COL4A5: variants seen among roughly 807,000 people sequenced by gnomAD.
COL4A5 encodes the protein collagen alpha-5(IV) chain.
In COL4A5, 26 loss-of-function variants were observed where a neutral mutation model predicts 130.2. That is an observed-to-expected ratio of 0.20 (90% CI 0.15 to 0.28). The LOEUF (loss-of-function observed/expected upper bound fraction) is 0.28, where lower values mean the gene tolerates loss of function less well. Among genes scored for constraint, COL4A5 ranks in the 10% least tolerant of loss-of-function variants. COL4A5 has a pLI of 1.00. For missense variants in COL4A5, 1,131 were observed against 1,344.3 expected (o/e 0.84, Z 2.48); for synonymous variants, 496 against 439.6 (o/e 1.13, Z -1.60).
At chrX:108,628,086 T>C (rs1471996340) in intron 36 of COL4A5, among the ~76,000 whole-genome samples, 1 of 110,805 alleles carries the variant, frequency 9.0e-6, no homozygotes, top group Non-Finnish European at 1.9e-5. Flanking sequence ...CAAACTTTCT[T>C]TATCAGCCTA....
rs189661038 is a variant in COL4A5 at position 108,530,252 on chromosome X, T to C, written c.82-9494T>C. Among the ~76,000 whole-genome samples, 634 of 111,487 alleles carry C rather than the reference T, an allele frequency of 5.7e-3. 2 individuals carry two copies. The highest frequency in any genetic ancestry group is 0.027 in the Middle Eastern group (6 of 219). On this transcript the variant is annotated intron_variant, in intron 1 of 52. Coordinates refer to ENST00000328300, the MANE Select transcript of COL4A5 (RefSeq NM_033380.3). The stretch of plus-strand genomic sequence containing the variant: ...CTAGAAATCAATACAAAGAGGAAGA[T>C]TGGAAACTCTGAAAATACATGGAAA...
chrX:108,464,562 G>A (rs2064685103), intron 1 of COL4A5, among the ~76,000 whole-genome samples: 1 of 112,155 alleles, frequency 8.9e-6, no homozygotes, highest in Non-Finnish European at 1.9e-5. Flanking sequence ...TTATTGGGTT[G>A]AATTAAATAT....
intron 13 of COL4A5, among the ~76,000 whole-genome samples, chrX:108,579,638 T>C (rs1162994724): frequency 1.8e-5 from 2 of 112,106 alleles, no homozygotes; most frequent in South Asian, 3.7e-4. Context: ...AAATTAGATA[T>C]ATTTTTAAAG....
intron 27 of COL4A5, 138 bp downstream of exon 27, chrX:108,602,127 A>C (rs2066644724): frequency 4.6e-6 from 2 of 435,678 alleles, no homozygotes; most frequent in Admixed American, 3.6e-5. Flanking sequence ...ATAAAAAATC[A>C]CAGTGTATTT....
intron 4 of COL4A5, 21 bp downstream of exon 4, chrX:108,563,947 A>G: frequency 1.7e-6 from 2 of 1,155,519 alleles, no homozygotes; most frequent in South Asian, 3.7e-5. Context: ...TTTTCTCTAT[A>G]TCAAATACTT....
chrX:108,546,963 G>T (rs1167164673), intron 2 of COL4A5, among the ~76,000 whole-genome samples: 3 of 111,932 alleles, frequency 2.7e-5, no homozygotes, highest in African/African-American at 9.8e-5. Context: ...GCCCCATCAG[G>T]TCCTTTAAGG....
Position 108,504,932 on chromosome X carries a change from G to A in COL4A5, c.82-34814G>A, listed in dbSNP as rs995160499. Among the ~76,000 whole-genome samples the A allele has an allele frequency of 3.6e-5, 4 of 111,945 alleles. No individual in the cohort carries two copies. The Middle Eastern group carries it at 0.014, about 387-fold the overall frequency. On this transcript the variant is annotated intron_variant, in intron 1 of 52. Transcript: ENST00000328300. ...ATAAGTTATTGTATGAAAAAGACAT[G>A]TGCATGCATATGTTTATTGCAGCAC... is the stretch of plus-strand genomic sequence containing the variant.
chrX:108,514,833 G>A (rs901317318), intron 1 of COL4A5, among the ~76,000 whole-genome samples: 1 of 111,670 alleles, frequency 9.0e-6, no homozygotes, highest in Admixed American at 9.5e-5. Flanking sequence ...TAGTAAGGTT[G>A]TTACATTGCA....
intron 36 of COL4A5, chrX:108,627,017 C>T (rs1048722403): frequency 5.1e-5 from 37 of 729,006 alleles, no homozygotes; most frequent in Non-Finnish European, 6.0e-5. Flanking sequence ...GTGAAAGTTC[C>T]CAGTGATATA....
At chrX:108,674,570 T>C in intron 42 of COL4A5, 175 bp from the exon 43 acceptor site, 1 of 472,649 alleles carries the variant, frequency 2.1e-6, no homozygotes, top group Non-Finnish European at 3.5e-6. Context: ...TTCTGTATGG[T>C]TCTGTTTGCA....
intron 37 of COL4A5, among the ~76,000 whole-genome samples, 181 bp from the exon 38 acceptor site, chrX:108,665,326 C>A (rs766023023): frequency 8.9e-6 from 1 of 111,938 alleles, no homozygotes; most frequent in African/African-American, 3.2e-5. Flanking sequence ...ATGCCAACTT[C>A]AGGATAAATG....
chrX:108,681,572 A>C (rs1234863587), intron 46 of COL4A5, among the ~76,000 whole-genome samples, 188 bp from the exon 47 acceptor site: 1 of 112,023 alleles, frequency 8.9e-6, no homozygotes, highest in African/African-American at 3.2e-5. Context: ...TGACCCTAAG[A>C]AACTTATTTT....
chrX:108,647,631 G>A (rs1331255362), intron 36 of COL4A5, among the ~76,000 whole-genome samples: 8 of 111,597 alleles, frequency 7.2e-5, no homozygotes, highest in Non-Finnish European at 1.1e-4. Flanking sequence ...GAATAGGAGT[G>A]GTGAGAGAGG....
chrX:108,655,329 AGG>A lies in COL4A5; in HGVS notation c.3247_3248del (p.Gly1083Ter), dbSNP rs1210209983. The A allele has an allele frequency of 8.3e-7, 1 of 1,209,781 alleles. No individual in the cohort carries two copies. On this transcript the variant is annotated splice_acceptor_variant and coding_sequence_variant, in exon 37 of 53. Transcript: ENST00000328300. LOFTEE classifies it high-confidence loss of function. ...GTATTATCTTTTTATTCGTGTTTTC[AGG>A]GTGAGCCTGGTCTGCCTGGATACCC...
At chrX:108,577,508 G>T (rs2066173805) in intron 10 of COL4A5, among the ~76,000 whole-genome samples, 1 of 110,015 alleles carries the variant, frequency 9.1e-6, no homozygotes, top group East Asian at 2.8e-4. Flanking sequence ...TTTAAACCTT[G>T]AAACATTCTC....
chrX:108,488,550 G>C (rs2064967535), intron 1 of COL4A5, among the ~76,000 whole-genome samples: 1 of 111,895 alleles, frequency 8.9e-6, no homozygotes, highest in Non-Finnish European at 1.9e-5. Context: ...ACTCCTACCA[G>C]CAATGTATAA....
At chrX:108,630,034 C>T (rs1183219438) in intron 36 of COL4A5, among the ~76,000 whole-genome samples, 4 of 111,967 alleles carry the variant, frequency 3.6e-5, no homozygotes, top group African/African-American at 1.3e-4. Context: ...ATATGTGCCA[C>T]ATTTTCTCAA....
At chrX:108,647,682 A>G (rs2067629011) in intron 36 of COL4A5, among the ~76,000 whole-genome samples, 1 of 111,580 alleles carries the variant, frequency 9.0e-6, no homozygotes, top group Admixed American at 9.6e-5. Context: ...GAATGCTTCC[A>G]GTTTTTGCCC....
chrX:108,653,474 G>A (rs962151580), intron 36 of COL4A5, among the ~76,000 whole-genome samples: 3 of 111,126 alleles, frequency 2.7e-5, no homozygotes, highest in African/African-American at 9.8e-5. Flanking sequence ...TTCAGGTTTC[G>A]AGAGGGATGG....
Sources: gnomAD v4.1 joint callset for allele counts (sites outside exome capture counted in the v4.1 genomes callset) on GRCh38, gnomAD v4.1.1 for gene constraint, MANE v1.5 for transcripts, NCBI Gene and HGNC (gene_info 2026-07-23, HGNC 2026-07-21) for gene names.